The following YEATS2 variants were observed in gnomAD, a reference collection of about 807,000 sequenced individuals.
The protein encoded by YEATS2 is YEATS domain-containing protein 2.
Under a neutral mutation model 163.2 loss-of-function variants are expected in YEATS2, and 77 were observed. The ratio of observed to expected loss-of-function variants is 0.47; its 90% CI spans 0.39 to 0.57. The LOEUF is 0.57. Among genes scored for constraint, YEATS2 ranks in the 20% least tolerant of loss-of-function variants. The pLI is 0.00. For missense variants in YEATS2, 1,549 were observed against 1,729.8 expected, an observed-to-expected ratio of 0.90 and a Z score of 1.85; for synonymous variants, 631 against 645.1, an observed-to-expected ratio of 0.98 and a Z score of 0.33.
chr3:183,809,164 A>G lies in YEATS2; in HGVS notation c.4154A>G (p.His1385Arg), dbSNP rs1726534855. The G allele has an allele frequency of 1.4e-5, 22 of 1,613,998 alleles. No homozygotes were observed. Among genetic ancestry groups the G allele is most frequent in the Non-Finnish European group, 1.8e-5 (21 of 1,179,984 alleles). ...ALAVGYQTAS[H>R]NRIPKEITVS... is the part of the protein sequence containing the mutation. The stretch of plus-strand genomic sequence containing the variant: ...GCAGTTGGATACCAGACAGCTTCTC[A>G]CAACAGGTATTACTATCTCTGCAGT... Residue 1385 changes from histidine (H) to arginine (R), a missense_variant, in exon 30 of 31, where the codon CAC (histidine) becomes CGC (arginine). Physicochemically the swap from His to Arg is conservative, Grantham distance 29. Coordinates refer to ENST00000305135, the MANE Select transcript of YEATS2 (RefSeq NM_018023.5).
At position 183,811,157 on chromosome 3, in the gene YEATS2, A is replaced by G. The variant is rs1669371013; in HGVS notation, c.*574A>G. On this transcript the variant is annotated 3_prime_UTR_variant, in exon 31 of 31. Transcript: ENST00000305135. ...GCCAAGAACCATGAAGGCCTGAGAG[A>G]CGGCAGACTGAGCAGAATTCCTTTT... The G allele has an allele frequency of 6.5e-6, 1 of 153,202 alleles. No individual in the cohort carries two copies. The highest frequency in any genetic ancestry group is 2.1e-4 in the South Asian group (1 of 4,864). 9.5% of individuals were successfully genotyped at this position (153,202 alleles called of 1,614,324 possible). A position where few individuals can be genotyped will look rare whatever the true frequency, so the allele number is the denominator to read the frequency against.
At chr3:183,778,576 C>T (rs1421528740) in intron 19 of YEATS2, among the ~76,000 whole-genome samples, 1 of 152,002 alleles carries the variant, frequency 6.6e-6, no homozygotes, top group Non-Finnish European at 1.5e-5. Context: ...GGCTGGTCTC[C>T]AGCTCGTGAC....
intron 8 of YEATS2, among the ~76,000 whole-genome samples, chr3:183,743,599 G>A (rs773870804): frequency 2.0e-5 from 3 of 151,998 alleles, no homozygotes; most frequent in Non-Finnish European, 4.4e-5. Context: ...ACCCTCCTCA[G>A]CCTCCCAAAG....
intron 8 of YEATS2, among the ~76,000 whole-genome samples, chr3:183,743,983 T>C (rs1560261428): frequency 6.6e-6 from 1 of 151,744 alleles, no homozygotes; most frequent in Non-Finnish European, 1.5e-5. Flanking sequence ...AAGATTACCA[T>C]AAGACTAGGT....
chr3:183,711,636 A>G (rs966718855), intron 1 of YEATS2, among the ~76,000 whole-genome samples: 1 of 152,036 alleles, frequency 6.6e-6, no homozygotes, highest in Non-Finnish European at 1.5e-5. Flanking sequence ...GTTTTAGAAT[A>G]TTTTTAAGAT....
At chr3:183,726,518 A>G (rs951165373) in intron 6 of YEATS2, among the ~76,000 whole-genome samples, 11 of 152,216 alleles carry the variant, frequency 7.2e-5, no homozygotes, top group African/African-American at 2.4e-4. Flanking sequence ...CTCTAAAAAC[A>G]TAAAAATGTT....
At position 183,756,603 on chromosome 3, in the gene YEATS2, G is replaced by A; in HGVS notation, c.1466G>A (p.Gly489Asp). The change falls in exon 12 of 31, where the codon GGC becomes GAC. Residue 489 changes from glycine to aspartate, a missense_variant. Physicochemically the swap from Gly to Asp is moderately conservative, Grantham distance 94. Transcript: ENST00000305135. The stretch of plus-strand genomic sequence containing the variant: ...TCCACTCCAGTCCACGTGAAGCAAG[G>A]CACTGCCGGCTCTGTTATTAATAAT... Reference protein sequence around the residue: ...PTSTPVHVKQGTAGSVINNPY... With the variant: ...PTSTPVHVKQDTAGSVINNPY... The A allele has an allele frequency of 6.2e-7, 1 of 1,607,056 alleles. No individual in the cohort carries two copies. Among genetic ancestry groups the A allele is most frequent in the Non-Finnish European group, 8.5e-7 (1 of 1,176,832 alleles).
intron 22 of YEATS2, among the ~76,000 whole-genome samples, chr3:183,798,470 C>T (rs1045826237): frequency 3.3e-5 from 5 of 152,188 alleles, no homozygotes; most frequent in African/African-American, 9.7e-5. Flanking sequence ...TCGCATGCCT[C>T]AGCCTCCCGA....
At chr3:183,772,669 A>C in intron 16 of YEATS2, 106 bp downstream of exon 16, 1 of 1,389,246 alleles carries the variant, frequency 7.2e-7, no homozygotes, top group South Asian at 1.3e-5. Flanking sequence ...AAGCCTAGTT[A>C]GGTTGATGCT....
Position 183,773,746 on chromosome 3 carries a change from C to T in YEATS2, c.2320C>T (p.Leu774=). ...CAAGAACCCTTCAGGAAAAGGAAAA[C>T]TGCTGCTGATCCCTCAAGGAGCCAT... The part of the protein sequence containing the change: ...NSKNPSGKGK[L]LLIPQGAILR... The change falls in exon 17 of 31, where the codon CTG becomes TTG. Residue 774 remains leucine (L), a synonymous_variant. Coordinates refer to ENST00000305135, the MANE Select transcript of YEATS2 (RefSeq NM_018023.5). 2 of 1,613,498 alleles carry T rather than the reference C, an allele frequency of 1.2e-6. No individual in the cohort carries two copies. The highest frequency in any genetic ancestry group is 1.7e-6 in the Non-Finnish European group (2 of 1,179,826).
At chr3:183,802,518 T>TATATATACAC (rs1491337847) in intron 25 of YEATS2, 8 of 141,334 alleles carry the variant, frequency 5.7e-5, no homozygotes, top group African/African-American at 2.5e-4. Flanking sequence ...TGTATACATG[T>TATATATACAC]ATATATATAT....
intron 6 of YEATS2, among the ~76,000 whole-genome samples, chr3:183,726,966 T>C (rs747220136): frequency 2.0e-5 from 3 of 152,116 alleles, no homozygotes; most frequent in Non-Finnish European, 2.9e-5. Flanking sequence ...CACACCTGGA[T>C]AATTTTGTAT....
rs1056368046 is a variant in YEATS2, at chr3:183,812,516, A to C, written c.*1933A>C. The C allele has an allele frequency of 6.5e-6, 1 of 152,684 alleles. No homozygotes were observed. Among genetic ancestry groups the C allele is most frequent in the Non-Finnish European group, 1.5e-5 (1 of 68,052 alleles). 9.5% of individuals were successfully genotyped at this position (152,684 alleles called of 1,614,324 possible). On this transcript the variant is annotated 3_prime_UTR_variant, in exon 31 of 31. Transcript: ENST00000305135. ...AAAGAAATTATCTTTTTGCAAAAGAAATATTAAATGATTTAGCAGTCTCCA... is the reference window on the plus strand; with the variant it reads ...AAAGAAATTATCTTTTTGCAAAAGACATATTAAATGATTTAGCAGTCTCCA...
At chr3:183,754,998 C>T (rs772940865) in intron 11 of YEATS2, among the ~76,000 whole-genome samples, 1 of 151,930 alleles carries the variant, frequency 6.6e-6, no homozygotes, top group African/African-American at 2.4e-5. Flanking sequence ...AGTATGAGGA[C>T]TTCTGTATAA....
chr3:183,742,174 A>C (rs561766201), intron 8 of YEATS2, among the ~76,000 whole-genome samples: 2 of 152,290 alleles, frequency 1.3e-5, no homozygotes, highest in Admixed American at 1.3e-4. Flanking sequence ...CGATCAAGCC[A>C]CTGCCCTCCA....
intron 13 of YEATS2, among the ~76,000 whole-genome samples, chr3:183,760,522 A>G (rs1418282823): frequency 6.6e-6 from 1 of 152,038 alleles, no homozygotes; most frequent in African/African-American, 2.4e-5. Flanking sequence ...GGGTTTCTCC[A>G]CGTTGGTCAG....
At chr3:183,734,786 T>A (rs910003927) in intron 7 of YEATS2, among the ~76,000 whole-genome samples, 2 of 152,206 alleles carry the variant, frequency 1.3e-5, no homozygotes, top group African/African-American at 4.8e-5. Context: ...CAGGGAGCTG[T>A]ACTCCATTCT....
rs1030118732 is a variant in YEATS2 at position 183,697,831 on chromosome 3, C to A, written c.-182C>A. 6.7e-6 allele frequency: 1 copy of A among 150,242 alleles called. No individual in the cohort carries two copies. The highest frequency in any genetic ancestry group is 1.5e-5 in the Non-Finnish European group (1 of 67,452). 9.3% of individuals were successfully genotyped at this position (150,242 alleles called of 1,614,324 possible). Reference sequence around the variant, plus strand: ...AGCTGCTGACGTGCGGGGCGGAACGCGCCGGGCGGGCTCCACCGCGCCGTG... The same window carrying A: ...AGCTGCTGACGTGCGGGGCGGAACGAGCCGGGCGGGCTCCACCGCGCCGTG... On this transcript the variant is annotated 5_prime_UTR_variant, in exon 1 of 31. Coordinates refer to ENST00000305135, the MANE Select transcript of YEATS2 (RefSeq NM_018023.5).
intron 15 of YEATS2, among the ~76,000 whole-genome samples, chr3:183,763,859 G>T (rs923190834): frequency 6.6e-6 from 1 of 152,084 alleles, no homozygotes; most frequent in African/African-American, 2.4e-5. Flanking sequence ...CTTCAGGTCA[G>T]GAGTTTGAGA....
Sources: gnomAD v4.1 joint callset for allele counts (sites outside exome capture counted in the v4.1 genomes callset) on GRCh38, gnomAD v4.1.1 for gene constraint, MANE v1.5 for transcripts, NCBI Gene and HGNC (gene_info 2026-07-23, HGNC 2026-07-21) for gene names.